MOGAT1: variants seen among roughly 807,000 people sequenced by gnomAD.
MOGAT1 encodes monoacylglycerol O-acyltransferase 1, also known as 2-acylglycerol O-acyltransferase 1.
Under a neutral mutation model 31.4 loss-of-function variants are expected in MOGAT1, and 32 were observed. The observed-to-expected ratio is 1.02, with a 90% CI of 0.77 to 1.37. The LOEUF is 1.37. Ranked by LOEUF, MOGAT1 falls within the 40% of genes most tolerant of loss-of-function variation. The pLI is 0.00. For synonymous variants in MOGAT1, 145 were observed against 144.5 expected, an observed-to-expected ratio of 1.00 and a Z score of -0.03; for missense variants, 426 against 402.0, an observed-to-expected ratio of 1.06 and a Z score of -0.51.
intron 1 of MOGAT1, among the ~76,000 whole-genome samples, chr2:222,680,995 C>T (rs971257514): frequency 6.6e-6 from 1 of 152,086 alleles, no homozygotes; most frequent in Non-Finnish European, 1.5e-5. Flanking sequence ...AGGGTAGCGA[C>T]AAGAGAGGGA....
At chr2:222,702,423 C>A (rs1372594941) in intron 5 of MOGAT1, among the ~76,000 whole-genome samples, 1 of 152,056 alleles carries the variant, frequency 6.6e-6, no homozygotes, top group Non-Finnish European at 1.5e-5. Context: ...AGTAATACTG[C>A]AGAAATATTT....
chr2:222,689,611 G>C, intron 3 of MOGAT1, 142 bp downstream of exon 3: 1 of 732,958 alleles, frequency 1.4e-6, no homozygotes. Flanking sequence ...TATGGTGTCT[G>C]GGTGTTTCCT....
In MOGAT1 at chr2:222,689,378, C is replaced by A; in HGVS notation, c.387C>A (p.Phe129Leu). The A allele has an allele frequency of 6.2e-7, 1 of 1,614,018 alleles. No individual in the cohort carries two copies. The highest frequency in any genetic ancestry group is 8.5e-7 in the Non-Finnish European group (1 of 1,179,884). Reference sequence around the variant, plus strand: ...ATTTTTCTGTAAATTATTCTGACTTCAAGGACCTGTTTCCTGGCTTTACTT... The same window carrying A: ...ATTTTTCTGTAAATTATTCTGACTTAAAGGACCTGTTTCCTGGCTTTACTT... ...FGNFSVNYSDFKDLFPGFTSY... is the reference protein window; with the variant it reads ...FGNFSVNYSDLKDLFPGFTSY... The change falls in exon 3 of 6, where the codon TTC becomes TTA. Residue 129 changes from phenylalanine (F) to leucine (L), a missense_variant. Physicochemically the swap from Phe to Leu is conservative, Grantham distance 22. Transcript: ENST00000446656.
In MOGAT1 at chr2:222,694,444, G is replaced by C; in HGVS notation, c.561G>C (p.Gly187=). ...GGGNISVIVL[G]GAKESLDAHP... is the part of the protein sequence containing the mutation. ...GAAACATCTCTGTCATTGTCCTTGG[G>C]GGTGCAAAAGAATCACTGGATGCTC... is the stretch of plus-strand genomic sequence containing the variant. The change falls in exon 4 of 6, where the codon GGG becomes GGC. Residue 187 remains glycine (G), a synonymous_variant. Coordinates refer to ENST00000446656, the MANE Select transcript of MOGAT1 (RefSeq NM_058165.3). The C allele has an allele frequency of 6.2e-7, 1 of 1,613,882 alleles. No homozygotes were observed. Among genetic ancestry groups the C allele is most frequent in the Non-Finnish European group, 8.5e-7 (1 of 1,179,832 alleles).
intron 4 of MOGAT1, 62 bp from the exon 5 acceptor site, chr2:222,695,027 C>G (rs1204993152): frequency 2.2e-5 from 30 of 1,339,712 alleles, no homozygotes; most frequent in Non-Finnish European, 3.0e-5. Context: ...GTCAGCTAAA[C>G]AGAATAAATT....
chr2:222,708,463 A>G (rs925212586), intron 5 of MOGAT1, among the ~76,000 whole-genome samples: 7 of 152,248 alleles, frequency 4.6e-5, no homozygotes, highest in African/African-American at 1.7e-4. Context: ...AGCCAAAGCC[A>G]TGGGAATTTT....
At position 222,679,145 on chromosome 2, in the gene MOGAT1, A is replaced by G. The variant is rs912775924; in HGVS notation, c.94+7266A>G. On this transcript the variant is annotated intron_variant, in intron 1 of 5. Transcript: ENST00000446656. ...TCCAGCTCTTTTTTGGTAGATCACT[A>G]TCTGCTCTCTACTGCATTGCCCTTG... 6.6e-5 allele frequency among the ~76,000 whole-genome samples: 10 copies of G among 152,192 alleles called. No individual in the cohort carries two copies. In the South Asian group the frequency reaches 1.4e-3, roughly 22 times the overall value.
At chr2:222,677,619 GA>G in intron 1 of MOGAT1, 1 of 295,510 alleles carries the variant, frequency 3.4e-6, no homozygotes. Context: ...TATAAGGAGA[GA>G]AAAAGAAGAT....
Position 222,695,224 on chromosome 2 carries a change from T to C in MOGAT1, c.789T>C (p.His263=), listed in dbSNP as rs773244779. The C allele has an allele frequency of 7.4e-6, 12 of 1,613,748 alleles. 1 individual carries two copies. Among genetic ancestry groups the C allele is most frequent in the Middle Eastern group, 3.3e-4 (2 of 6,062 alleles). Residue 263 remains histidine, a synonymous_variant, in exon 5 of 6, where the codon CAT becomes CAC. Transcript: ENST00000446656. ...KIMGFALPLF[H]ARGVFQYNFG... is the part of the protein sequence containing the mutation. Reference sequence around the variant, plus strand: ...TGGGGTTTGCTTTGCCCCTGTTTCATGCCAGGGGAGTTTTTCAGTACAATT... The same window carrying C: ...TGGGGTTTGCTTTGCCCCTGTTTCACGCCAGGGGAGTTTTTCAGTACAATT...
At chr2:222,679,166 C>G (rs1340828448) in intron 1 of MOGAT1, among the ~76,000 whole-genome samples, 1 of 152,124 alleles carries the variant, frequency 6.6e-6, no homozygotes, top group East Asian at 1.9e-4. Context: ...ACTGCATTGC[C>G]CTTGTGCCTT....
intron 5 of MOGAT1, among the ~76,000 whole-genome samples, chr2:222,701,531 A>G (rs1184522091): frequency 9.5e-6 from 1 of 105,514 alleles, no homozygotes; most frequent in Non-Finnish European, 2.0e-5. Flanking sequence ...AAAAGAAAGA[A>G]AGAGAAAGAA....
At chr2:222,678,011 A>G in intron 1 of MOGAT1, 1 of 242,450 alleles carries the variant, frequency 4.1e-6, no homozygotes, top group Non-Finnish European at 8.6e-6. Context: ...GACTCAAAAG[A>G]CCAACAGGAA....
At chr2:222,682,697 A>G (rs1692602104) in intron 1 of MOGAT1, among the ~76,000 whole-genome samples, 1 of 152,252 alleles carries the variant, frequency 6.6e-6, no homozygotes, top group African/African-American at 2.4e-5. Context: ...CAACAGATGC[A>G]TGAATTATCA....
intron 1 of MOGAT1, among the ~76,000 whole-genome samples, chr2:222,673,334 A>AAAAAAAAG (rs1347734492): frequency 6.6e-6 from 1 of 151,358 alleles, no homozygotes; most frequent in Admixed American, 6.6e-5. Flanking sequence ...AATTTACCAA[A>AAAAAAAAG]AAAAAAAAAA....
At chr2:222,703,433 G>A (rs1249203013) in intron 5 of MOGAT1, among the ~76,000 whole-genome samples, 1 of 151,760 alleles carries the variant, frequency 6.6e-6, no homozygotes, top group Non-Finnish European at 1.5e-5. Flanking sequence ...TTTGTTTTTA[G>A]TGCCTTTAGC....
At chr2:222,700,868 TG>T (rs1254113083) in intron 5 of MOGAT1, among the ~76,000 whole-genome samples, 3 of 152,252 alleles carry the variant, frequency 2.0e-5, no homozygotes, top group Admixed American at 6.5e-5. Context: ...GCTGACTCCC[TG>T]ACGTGAATTC....
At chr2:222,704,451 C>T (rs140042652) in intron 5 of MOGAT1, among the ~76,000 whole-genome samples, 3,501 of 151,888 alleles carry the variant, frequency 0.023, 65 homozygotes, top group Non-Finnish European at 0.035. Flanking sequence ...GGTGAAACCC[C>T]GTCTCTACTA....
In MOGAT1 at chr2:222,691,067, A is replaced by G. The variant is rs1692753382; in HGVS notation, c.478+1598A>G. 2.0e-5 allele frequency among the ~76,000 whole-genome samples: 3 copies of G among 152,298 alleles called. No homozygotes were observed. In the South Asian group the frequency reaches 6.2e-4, roughly 32 times the overall value. Reference sequence around the variant, plus strand: ...TAGGTACCCCCTTCTCCATAGCCTTATCAGACACATATACTCCATCTTAGA... The same window carrying G: ...TAGGTACCCCCTTCTCCATAGCCTTGTCAGACACATATACTCCATCTTAGA... On this transcript the variant is annotated intron_variant, in intron 3 of 5. Coordinates refer to ENST00000446656, the MANE Select transcript of MOGAT1 (RefSeq NM_058165.3).
intron 1 of MOGAT1, among the ~76,000 whole-genome samples, chr2:222,684,504 G>A (rs1488252137): frequency 2.6e-5 from 4 of 152,100 alleles, no homozygotes; most frequent in Non-Finnish European, 4.4e-5. Flanking sequence ...ATTTAAATTA[G>A]AACAACTTCT....
Sources: allele counts gnomAD v4.1 joint callset (sites outside exome capture counted in the v4.1 genomes callset), GRCh38; gene constraint gnomAD v4.1.1; transcripts MANE v1.5; gene names NCBI Gene and HGNC (gene_info 2026-07-23, HGNC 2026-07-21).